The following TCTN3 variants were observed in gnomAD, a reference collection of about 807,000 sequenced individuals.
TCTN3 encodes the protein tectonic-3.
In TCTN3, 57 loss-of-function variants were observed where a neutral mutation model predicts 71.3. That is an observed-to-expected ratio of 0.80 (90% CI 0.65 to 1.00). The LOEUF (loss-of-function observed/expected upper bound fraction) is 1.00. Ranked by LOEUF, TCTN3 falls within the 50% of genes least tolerant of loss-of-function variation. The pLI is 0.00. For synonymous variants in TCTN3, 258 were observed against 267.8 expected (o/e 0.96, Z 0.36); for missense variants, 696 against 719.9 (o/e 0.97, Z 0.38).
chr10:95,679,434 G>C (rs1381235566), intron 13 of TCTN3, among the ~76,000 whole-genome samples: 6 of 152,144 alleles, frequency 3.9e-5, no homozygotes, highest in Non-Finnish European at 5.9e-5. Flanking sequence ...TTTTACTTCT[G>C]ACCTAAATGT....
At chr10:95,683,716 A>T in intron 9 of TCTN3, 87 bp from the exon 10 acceptor site, 1 of 1,144,066 alleles carries the variant, frequency 8.7e-7, no homozygotes, top group Non-Finnish European at 1.2e-6. Context: ...CCCTTCCTTA[A>T]GGCAAGGAAA....
At chr10:95,682,965 C>T (rs1318915859) in intron 11 of TCTN3, 136 bp downstream of exon 11, 1 of 1,223,694 alleles carries the variant, frequency 8.2e-7, no homozygotes, top group Non-Finnish European at 1.1e-6. Context: ...TTAGCAATAT[C>T]AACACTATTT....
At chr10:95,664,327 C>A in intron 13 of TCTN3, 27 bp from the exon 14 acceptor site, 1 of 1,599,474 alleles carries the variant, frequency 6.3e-7, no homozygotes, top group South Asian at 1.1e-5. Context: ...AATGACAGGT[C>A]AGCGCTTGGT....
chr10:95,665,269 T>C (rs1195892555), intron 13 of TCTN3, among the ~76,000 whole-genome samples: 2 of 151,944 alleles, frequency 1.3e-5, no homozygotes, highest in East Asian at 1.9e-4. Context: ...CAACCACACC[T>C]GGCTAAATTT....
intron 13 of TCTN3, among the ~76,000 whole-genome samples, chr10:95,678,265 C>T (rs1457393195): frequency 2.6e-5 from 4 of 152,164 alleles, no homozygotes; most frequent in Non-Finnish European, 4.4e-5. Context: ...GGCGTGGTGG[C>T]TCACACCTGT....
rs751273654 is a variant in TCTN3 at position 95,682,704 on chromosome 10, G to T, written c.1399C>A (p.Pro467Thr). Reference sequence around the variant, plus strand: ...CTGGTCCACCCTCCTTTCTGGGCTGGGTCAGCATTACCAAAGATGGCAACA... The same window carrying T: ...CTGGTCCACCCTCCTTTCTGGGCTGTGTCAGCATTACCAAAGATGGCAACA... ...EYVAIFGNAD[P>T]AQKGGWTRIL... The change falls in exon 12 of 14, where the codon CCA becomes ACA. Residue 467 changes from proline to threonine, a missense_variant. By Grantham distance (38) the Pro-to-Thr change is conservative. Coordinates refer to ENST00000371217, the MANE Select transcript of TCTN3 (RefSeq NM_015631.6). 4 of 1,614,038 alleles carry T rather than the reference G, an allele frequency of 2.5e-6. No homozygotes were observed. The Admixed American group carries it at 6.7e-5, about 27-fold the overall frequency.
chr10:95,671,736 G>A (rs528729360), intron 13 of TCTN3, among the ~76,000 whole-genome samples: 4 of 152,178 alleles, frequency 2.6e-5, no homozygotes, highest in South Asian at 2.1e-4. Context: ...AGACTCAGGC[G>A]TGTGCCACCT....
rs937189514 is a variant in TCTN3, at chr10:95,686,644, T to C, written c.853-114A>G. The C allele has an allele frequency of 5.1e-6, 5 of 974,590 alleles. No homozygotes were observed. In the African/African-American group the frequency reaches 6.6e-5, roughly 13 times the overall value. 60.4% of individuals were successfully genotyped at this position (974,590 alleles called of 1,614,324 possible). The stretch of plus-strand genomic sequence containing the variant: ...GGTTTGGCGGGCAGGGGAGTCAATA[T>C]ATTAGAATGATTTACTTCCTCTATT... On this transcript the variant is annotated intron_variant, in intron 6 of 13. Transcript: ENST00000371217.
chr10:95,692,542 G>A (rs1447858736), intron 3 of TCTN3, among the ~76,000 whole-genome samples: 1 of 148,590 alleles, frequency 6.7e-6, no homozygotes, highest in African/African-American at 2.5e-5. Flanking sequence ...TCCGTAATAA[G>A]AGAGAAGAGG....
At position 95,684,528 on chromosome 10, in the gene TCTN3, A is replaced by C. The variant is rs1471424460; in HGVS notation, c.1066T>G (p.Leu356Val). Residue 356 changes from leucine (L) to valine (V), a missense_variant, in exon 9 of 14, where the codon TTA (leucine) becomes GTA (valine). Leu to Val is a conservative substitution (Grantham distance 32). Transcript: ENST00000371217. The part of the protein sequence containing the change: ...TNLTVEPGAS[L>V]QQHFILRFRA... ...AAGCGAAGGATGAAGTGTTGCTGTAAGGAAGCGCCTGGCTCAACAGTCAGG... is the reference window on the plus strand; with the variant it reads ...AAGCGAAGGATGAAGTGTTGCTGTACGGAAGCGCCTGGCTCAACAGTCAGG... 2 of 1,613,968 alleles carry C rather than the reference A, an allele frequency of 1.2e-6. No homozygotes were observed. The highest frequency in any genetic ancestry group is 2.2e-5 in the South Asian group (2 of 91,088).
chr10:95,690,753 A>G (rs2139758229), intron 3 of TCTN3, among the ~76,000 whole-genome samples: 1 of 152,314 alleles, frequency 6.6e-6, no homozygotes, highest in South Asian at 2.1e-4. Flanking sequence ...GTTTCTCAGT[A>G]AGGAAGCAAC....
chr10:95,681,224 C>T (rs1052206262), intron 12 of TCTN3, among the ~76,000 whole-genome samples: 2 of 151,956 alleles, frequency 1.3e-5, no homozygotes, highest in African/African-American at 4.8e-5. Context: ...TACAGATGCC[C>T]ACCACTACAC....
chr10:95,678,335 T>C (rs1010220278), intron 13 of TCTN3, among the ~76,000 whole-genome samples: 1 of 151,924 alleles, frequency 6.6e-6, no homozygotes, highest in East Asian at 1.9e-4. Context: ...AGTTCGAGAC[T>C]AGCCTGGCCA....
chr10:95,683,340 T>C, intron 10 of TCTN3, 145 bp from the exon 11 acceptor site: 2 of 1,498,758 alleles, frequency 1.3e-6, no homozygotes, highest in Non-Finnish European at 1.8e-6. Flanking sequence ...GTGATTTTTT[T>C]CCTCAGAAAA....
intron 3 of TCTN3, among the ~76,000 whole-genome samples, chr10:95,688,916 G>C (rs562910897): frequency 6.6e-6 from 1 of 152,102 alleles, no homozygotes; most frequent in Admixed American, 6.5e-5. Context: ...ATTGAAAAAA[G>C]AACATAGGGA....
chr10:95,690,909 C>T lies in TCTN3; in HGVS notation c.499+2011G>A, dbSNP rs544026451. Among the ~76,000 whole-genome samples the T allele has an allele frequency of 3.9e-5, 6 of 152,252 alleles. No individual in the cohort carries two copies. In the East Asian group the frequency reaches 1.2e-3, roughly 29 times the overall value. Reference sequence around the variant, plus strand: ...AAATTTTTGCCTTTTTCATACTAAACATGAATGTACACCCCACCCTCGTTC... The same window carrying T: ...AAATTTTTGCCTTTTTCATACTAAATATGAATGTACACCCCACCCTCGTTC... On this transcript the variant is annotated intron_variant, in intron 3 of 13. Coordinates refer to ENST00000371217, the MANE Select transcript of TCTN3 (RefSeq NM_015631.6).
chr10:95,676,040 T>C (rs2097936833), intron 13 of TCTN3, among the ~76,000 whole-genome samples: 1 of 152,222 alleles, frequency 6.6e-6, no homozygotes, highest in South Asian at 2.1e-4. Flanking sequence ...GCAATTTTTC[T>C]AGCATATGTT....
At chr10:95,675,094 T>G (rs1012224947) in intron 13 of TCTN3, among the ~76,000 whole-genome samples, 1 of 152,176 alleles carries the variant, frequency 6.6e-6, no homozygotes, top group Non-Finnish European at 1.5e-5. Context: ...CAAGTGGTTA[T>G]ATGTTTTATT....
chr10:95,675,102 A>G (rs1238508941), intron 13 of TCTN3, among the ~76,000 whole-genome samples: 1 of 152,132 alleles, frequency 6.6e-6, no homozygotes, highest in Non-Finnish European at 1.5e-5. Context: ...TATATGTTTT[A>G]TTTTATTTGA....
Sources: allele counts gnomAD v4.1 joint callset (sites outside exome capture counted in the v4.1 genomes callset), GRCh38; gene constraint gnomAD v4.1.1; transcripts MANE v1.5; gene names NCBI Gene and HGNC (gene_info 2026-07-23, HGNC 2026-07-21).